The following ST6GALNAC3 variants were observed in gnomAD, a reference collection of about 807,000 sequenced individuals.
ST6GALNAC3 encodes the protein alpha-N-acetylgalactosaminide alpha-2,6-sialyltransferase 3.
Under a neutral mutation model 32.7 loss-of-function variants are expected in ST6GALNAC3, and 25 were observed. The observed-to-expected ratio is 0.76, with a 90% CI of 0.56 to 1.07. The LOEUF is 1.07. ST6GALNAC3 is among the 50% of genes least tolerant of loss of function. The pLI, the probability that ST6GALNAC3 is intolerant of heterozygous loss-of-function variation, is 0.00. For missense variants in ST6GALNAC3, 355 were observed against 382.4 expected (o/e 0.93, Z 0.60); for synonymous variants, 129 against 133.1 (o/e 0.97, Z 0.21).
intron 2 of ST6GALNAC3, among the ~76,000 whole-genome samples, chr1:76,342,131 C>G (rs1258343162): frequency 3.3e-5 from 5 of 152,002 alleles, no homozygotes; most frequent in Admixed American, 3.3e-4. Flanking sequence ...TGGGTTGGTT[C>G]CAGGTCTTTG....
chr1:76,401,267 T>C (rs898687698), intron 2 of ST6GALNAC3, among the ~76,000 whole-genome samples: 1 of 152,126 alleles, frequency 6.6e-6, no homozygotes, highest in Non-Finnish European at 1.5e-5. Flanking sequence ...CTTTCATTAA[T>C]TCTTTCTTTA....
At chr1:76,270,597 T>C (rs1658788333) in intron 1 of ST6GALNAC3, among the ~76,000 whole-genome samples, 1 of 151,954 alleles carries the variant, frequency 6.6e-6, no homozygotes, top group Non-Finnish European at 1.5e-5. Flanking sequence ...AAGAGTTTCA[T>C]TTGGTTGCTA....
chr1:76,241,211 G>A (rs1178800805), intron 1 of ST6GALNAC3, among the ~76,000 whole-genome samples: 1 of 152,080 alleles, frequency 6.6e-6, no homozygotes, highest in Non-Finnish European at 1.5e-5. Flanking sequence ...ACCTTTCTTA[G>A]TCTGTTTTGT....
chr1:76,437,415 T>A (rs1234343784), intron 3 of ST6GALNAC3, among the ~76,000 whole-genome samples: 1 of 152,112 alleles, frequency 6.6e-6, no homozygotes, highest in African/African-American at 2.4e-5. Context: ...AGATTTTCAG[T>A]GTCTGATTGT....
intron 2 of ST6GALNAC3, among the ~76,000 whole-genome samples, chr1:76,346,693 A>G (rs1430619317): frequency 6.6e-6 from 1 of 152,044 alleles, no homozygotes; most frequent in Non-Finnish European, 1.5e-5. Flanking sequence ...CGGTGCCACT[A>G]CTTAGTTTTG....
intron 1 of ST6GALNAC3, among the ~76,000 whole-genome samples, chr1:76,084,678 C>T (rs949713048): frequency 4.6e-5 from 7 of 152,216 alleles, no homozygotes; most frequent in Non-Finnish European, 1.0e-4. Context: ...TGCTAATAGA[C>T]ATATGGCCAA....
intron 1 of ST6GALNAC3, among the ~76,000 whole-genome samples, chr1:76,141,881 C>T (rs532679225): frequency 6.6e-6 from 1 of 152,162 alleles, no homozygotes; most frequent in African/African-American, 2.4e-5. Context: ...AACCAAGACC[C>T]CTGCTTCGGT....
intron 3 of ST6GALNAC3, among the ~76,000 whole-genome samples, chr1:76,614,973 G>A (rs1326827647): frequency 2.6e-5 from 4 of 151,984 alleles, no homozygotes; most frequent in African/African-American, 7.3e-5. Context: ...AGAATAACAA[G>A]AGAAGATGCT....
At chr1:76,204,802 G>A (rs1003508346) in intron 1 of ST6GALNAC3, among the ~76,000 whole-genome samples, 1 of 152,042 alleles carries the variant, frequency 6.6e-6, no homozygotes, top group Non-Finnish European at 1.5e-5. Context: ...CAAGAAAATC[G>A]AGTGAGAGAT....
intron 2 of ST6GALNAC3, among the ~76,000 whole-genome samples, chr1:76,391,522 A>ACCTTCCTTCCTTCCTT (rs71071997): frequency 7.3e-6 from 1 of 137,620 alleles, no homozygotes; most frequent in South Asian, 2.5e-4. Context: ...ATTAGGAAAG[A>ACCTTCCTTCCTTCCTT]CCTTCCTTCC....
At chr1:76,392,941 G>A (rs1238057069) in intron 2 of ST6GALNAC3, among the ~76,000 whole-genome samples, 1 of 152,112 alleles carries the variant, frequency 6.6e-6, no homozygotes, top group Non-Finnish European at 1.5e-5. Context: ...TATTAATGTG[G>A]AAGTATTAGA....
intron 1 of ST6GALNAC3, among the ~76,000 whole-genome samples, chr1:76,138,970 G>A (rs561924827): frequency 7.9e-5 from 12 of 152,182 alleles, no homozygotes; most frequent in Middle Eastern, 3.4e-3. Context: ...CGAGGCGGGC[G>A]GATTACGAGG....
chr1:76,327,024 C>A (rs191732428), intron 2 of ST6GALNAC3, among the ~76,000 whole-genome samples: 1 of 151,930 alleles, frequency 6.6e-6, no homozygotes, highest in African/African-American at 2.4e-5. Context: ...GTTTTCTTTA[C>A]CATATTAAGG....
chr1:76,535,169 A>G (rs1427677337), intron 3 of ST6GALNAC3, among the ~76,000 whole-genome samples: 1 of 152,186 alleles, frequency 6.6e-6, no homozygotes, highest in Non-Finnish European at 1.5e-5. Flanking sequence ...CGCTTTCAGA[A>G]TGATTGGTAC....
At chr1:76,365,137 G>C (rs1422682954) in intron 2 of ST6GALNAC3, among the ~76,000 whole-genome samples, 1 of 152,146 alleles carries the variant, frequency 6.6e-6, no homozygotes, top group East Asian at 1.9e-4. Context: ...GGAATACTAC[G>C]CAGCCATAGA....
intron 1 of ST6GALNAC3, among the ~76,000 whole-genome samples, chr1:76,295,730 A>G (rs1334837101): frequency 3.3e-5 from 5 of 152,114 alleles, no homozygotes; most frequent in African/African-American, 4.8e-5. Context: ...GAAGACTTAC[A>G]TACTGAACTG....
At chr1:76,590,201 T>C (rs1359024735) in intron 3 of ST6GALNAC3, among the ~76,000 whole-genome samples, 1 of 152,210 alleles carries the variant, frequency 6.6e-6, no homozygotes, top group East Asian at 1.9e-4. Flanking sequence ...CATACTTTAC[T>C]GAGGTTCTGA....
At chr1:76,335,273 T>G (rs773281672) in intron 2 of ST6GALNAC3, among the ~76,000 whole-genome samples, 4 of 152,234 alleles carry the variant, frequency 2.6e-5, no homozygotes, top group Non-Finnish European at 5.9e-5. Context: ...TTGTGTACTT[T>G]ACAAATTTTT....
chr1:76,521,884 C>T (rs767752399), intron 3 of ST6GALNAC3, among the ~76,000 whole-genome samples: 26 of 152,024 alleles, frequency 1.7e-4, no homozygotes, highest in Non-Finnish European at 3.8e-4. Context: ...GCCTGGGCAA[C>T]ACGGTGAAAC....
Sources: allele counts gnomAD v4.1 joint callset (sites outside exome capture counted in the v4.1 genomes callset), GRCh38; gene constraint gnomAD v4.1.1; transcripts MANE v1.5; gene names NCBI Gene and HGNC (gene_info 2026-07-23, HGNC 2026-07-21).